Variants in BLTP3B observed in about 807,000 individuals in gnomAD.
BLTP3B encodes UHRF1 (ICBP90) binding protein 1-like.
the BLTP3B span, among the ~76,000 whole-genome samples, chr12:100,050,841 C>G: frequency 1.3e-5 from 2 of 151,484 alleles, no homozygotes; most frequent in African/African-American, 4.9e-5. Flanking sequence ...ATACAAAAAG[C>G]AATACAGAAA....
the BLTP3B span, chr12:100,142,519 C>G: frequency 7.2e-6 from 11 of 1,537,794 alleles, no homozygotes; most frequent in Admixed American, 9.3e-5. Flanking sequence ...CCGCCGCCCC[C>G]GAAGCCGCAG....
chr12:100,086,790 A>T, the BLTP3B span, among the ~76,000 whole-genome samples: 1 of 152,244 alleles, frequency 6.6e-6, no homozygotes, highest in Non-Finnish European at 1.5e-5. Flanking sequence ...AAGGACATAC[A>T]GCTAGTTAAG....
the BLTP3B span, among the ~76,000 whole-genome samples, chr12:100,078,066 T>G: frequency 6.6e-6 from 1 of 152,270 alleles, no homozygotes; most frequent in South Asian, 2.1e-4. Flanking sequence ...CTGATATAGT[T>G]TGGATATTGT....
At chr12:100,141,407 ATATATG>A in the BLTP3B span, among the ~76,000 whole-genome samples, 97 of 147,114 alleles carry the variant, frequency 6.6e-4, no homozygotes, top group East Asian at 0.014. Context: ...ATATATGTGT[ATATATG>A]TATATGTATA....
At chr12:100,116,203 A>G in the BLTP3B span, among the ~76,000 whole-genome samples, 1 of 151,706 alleles carries the variant, frequency 6.6e-6, no homozygotes, top group East Asian at 1.9e-4. Flanking sequence ...CTAGCCAGAC[A>G]CAGTGGCTCA....
chr12:100,055,279 CA>C, the BLTP3B span, among the ~76,000 whole-genome samples: 1 of 152,282 alleles, frequency 6.6e-6, no homozygotes, highest in Non-Finnish European at 1.5e-5. Context: ...TTGTTTGCCT[CA>C]CCTTTAAAAT....
the BLTP3B span, among the ~76,000 whole-genome samples, chr12:100,101,044 A>G: frequency 6.6e-6 from 1 of 152,248 alleles, no homozygotes; most frequent in African/African-American, 2.4e-5. Flanking sequence ...TACTAAGCAC[A>G]CAAGGACAAA....
the BLTP3B span, among the ~76,000 whole-genome samples, chr12:100,140,729 A>AAAAAAAATATATATATATATAT: frequency 1.6e-5 from 1 of 61,506 alleles, no homozygotes; most frequent in African/African-American, 1.0e-4. Context: ...AAAAAAAAAA[A>AAAAAAAATATATATATATATAT]ATATATATAT....
the BLTP3B span, among the ~76,000 whole-genome samples, chr12:100,091,145 T>C: frequency 4.7e-5 from 7 of 148,224 alleles, 1 homozygote; most frequent in Admixed American, 1.4e-4. Context: ...TCCTCCCAAG[T>C]AGCTGGGATT....
the BLTP3B span, among the ~76,000 whole-genome samples, chr12:100,096,507 T>A: frequency 6.6e-6 from 1 of 151,964 alleles, no homozygotes; most frequent in Non-Finnish European, 1.5e-5. Flanking sequence ...CTGAGAAATA[T>A]ATTCAATTTA....
At chr12:100,061,868 G>T in the BLTP3B span, among the ~76,000 whole-genome samples, 9 of 152,158 alleles carry the variant, frequency 5.9e-5, no homozygotes, top group Non-Finnish European at 1.0e-4. Flanking sequence ...TATACTTATT[G>T]CTATGGGTTG....
chr12:100,109,655 A>G, the BLTP3B span, among the ~76,000 whole-genome samples: 1 of 151,990 alleles, frequency 6.6e-6, no homozygotes, highest in East Asian at 1.9e-4. Flanking sequence ...AGTCCCAGCT[A>G]TTCAGGAGGC....
At chr12:100,137,712 T>G in the BLTP3B span, among the ~76,000 whole-genome samples, 1 of 152,200 alleles carries the variant, frequency 6.6e-6, no homozygotes, top group African/African-American at 2.4e-5. Context: ...AAAATAAGAC[T>G]GCTTTAATGA....
chr12:100,112,209 T>C, the BLTP3B span, among the ~76,000 whole-genome samples: 1 of 152,240 alleles, frequency 6.6e-6, no homozygotes, highest in Non-Finnish European at 1.5e-5. Flanking sequence ...CCAGGAGCAG[T>C]GGCTCATGCT....
At chr12:100,047,272 T>C in the BLTP3B span, among the ~76,000 whole-genome samples, 1 of 151,898 alleles carries the variant, frequency 6.6e-6, no homozygotes, top group Non-Finnish European at 1.5e-5. Flanking sequence ...CTGAGGTGGG[T>C]AGATAACCTG....
chr12:100,135,382 T>C, the BLTP3B span, among the ~76,000 whole-genome samples: 2 of 150,626 alleles, frequency 1.3e-5, no homozygotes, highest in South Asian at 4.2e-4. Flanking sequence ...AATTCTCCCA[T>C]CTCAGCCTCT....
the BLTP3B span, among the ~76,000 whole-genome samples, chr12:100,071,597 A>T: frequency 6.6e-6 from 1 of 151,894 alleles, no homozygotes; most frequent in Non-Finnish European, 1.5e-5. Context: ...TTTTAATGTT[A>T]GGAAGCTAAA....
the BLTP3B span, among the ~76,000 whole-genome samples, chr12:100,126,377 G>C: frequency 6.6e-6 from 1 of 151,956 alleles, no homozygotes; most frequent in South Asian, 2.1e-4. Context: ...AACGAATATG[G>C]GTTTTAACCT....
At chr12:100,083,430 G>A in the BLTP3B span, among the ~76,000 whole-genome samples, 1 of 152,128 alleles carries the variant, frequency 6.6e-6, no homozygotes, top group Non-Finnish European at 1.5e-5. Flanking sequence ...AAGGGTATGG[G>A]GGAGGGAAGG....
Sources: allele counts gnomAD v4.1 joint callset (sites outside exome capture counted in the v4.1 genomes callset), GRCh38; gene constraint gnomAD v4.1.1; transcripts MANE v1.5; gene names NCBI Gene and HGNC (gene_info 2026-07-23, HGNC 2026-07-21).